The following NBPF3 variants were observed in gnomAD, a reference collection of about 807,000 sequenced individuals.
NBPF3 encodes NBPF family member NBPF3.
A neutral mutation model predicts 78.1 loss-of-function variants in NBPF3; 57 were observed. The ratio of observed to expected loss-of-function variants is 0.73; its 90% CI spans 0.59 to 0.91. NBPF3 has a LOEUF of 0.91. Among genes scored for constraint, NBPF3 ranks in the 40% least tolerant of loss-of-function variants. The pLI is 0.00. For synonymous variants in NBPF3, 182 were observed against 271.7 expected, an observed-to-expected ratio of 0.67 and a Z score of 3.25; for missense variants, 510 against 715.3, an observed-to-expected ratio of 0.71 and a Z score of 3.27.
At chr1:21,453,138 A>G (rs1237471705) in intron 2 of NBPF3, among the ~76,000 whole-genome samples, 2 of 152,046 alleles carry the variant, frequency 1.3e-5, no homozygotes, top group Non-Finnish European at 1.5e-5. Flanking sequence ...CGTCCCTTCT[A>G]GAATGCATTC....
chr1:21,451,918 TCAAACA>T (rs1641332860), intron 2 of NBPF3: 1 of 933,188 alleles, frequency 1.1e-6, no homozygotes, highest in African/African-American at 1.8e-5. Context: ...AGGTGCATAC[TCAAACA>T]CAGAGAGCTT....
intron 3 of NBPF3, 47 bp downstream of exon 3, chr1:21,468,944 GTCT>G (rs1465747809): frequency 2.1e-6 from 3 of 1,404,738 alleles, no homozygotes; most frequent in Non-Finnish European, 3.0e-6. Context: ...ATGATGTCCT[GTCT>G]TCTCGCTGAG....
At chr1:21,479,979 C>A in intron 10 of NBPF3, 72 bp from the exon 11 acceptor site, 1 of 815,888 alleles carries the variant, frequency 1.2e-6, no homozygotes, top group Non-Finnish European at 2.2e-6. Flanking sequence ...TTATGTTACC[C>A]ATGAAATCTA....
At chr1:21,468,240 T>C (rs7534120) in intron 2 of NBPF3, 4,193 of 267,604 alleles carry the variant, frequency 0.016, 165 homozygotes, top group African/African-American at 0.088. Context: ...CTTAGATGTA[T>C]TGGGAAAGAG....
chr1:21,478,433 A>G (rs1643001732), intron 9 of NBPF3, 126 bp downstream of exon 9: 1 of 1,101,694 alleles, frequency 9.1e-7, no homozygotes, highest in African/African-American at 1.5e-5. Flanking sequence ...CCTATATATC[A>G]ATGTAGATTT....
chr1:21,468,515 G>T (rs1642400750), intron 2 of NBPF3, 173 bp from the exon 3 acceptor site: 8 of 1,473,920 alleles, frequency 5.4e-6, no homozygotes, highest in African/African-American at 1.4e-5. Context: ...CTGAGCTCAG[G>T]CACCTCGAAC....
At chr1:21,459,733 C>A in intron 2 of NBPF3, 1 of 362,266 alleles carries the variant, frequency 2.8e-6, no homozygotes, top group Non-Finnish European at 5.6e-6. Context: ...CCATGGACAG[C>A]TTCTTTGCTC....
At chr1:21,454,857 G>A (rs1265900295) in intron 2 of NBPF3, among the ~76,000 whole-genome samples, 1 of 152,190 alleles carries the variant, frequency 6.6e-6, no homozygotes, top group African/African-American at 2.4e-5. Flanking sequence ...TTCTTGCAGT[G>A]TCCACAGATC....
At chr1:21,454,204 AGT>A (rs1641469359) in intron 2 of NBPF3, 1 of 152,226 alleles carries the variant, frequency 6.6e-6, no homozygotes, top group East Asian at 1.9e-4. Context: ...GGATGTTGAA[AGT>A]GTTTTCCTGT....
intron 4 of NBPF3, among the ~76,000 whole-genome samples, 176 bp from the exon 5 acceptor site, chr1:21,471,393 G>T (rs760731492): frequency 1.3e-5 from 2 of 152,188 alleles, no homozygotes; most frequent in Non-Finnish European, 2.9e-5. Flanking sequence ...TACAGAGGAA[G>T]CCTGTGAACC....
At chr1:21,452,669 G>C (rs138607254) in intron 2 of NBPF3, among the ~76,000 whole-genome samples, 2 of 152,254 alleles carry the variant, frequency 1.3e-5, no homozygotes, top group African/African-American at 4.8e-5. Flanking sequence ...AAGCGTGGCT[G>C]AGGCTTGTGG....
chr1:21,477,387 C>G (rs1197414433), intron 8 of NBPF3, among the ~76,000 whole-genome samples: 4 of 152,210 alleles, frequency 2.6e-5, no homozygotes. Context: ...CTTTTCTGCT[C>G]CAGTTTGTCC....
In NBPF3 at chr1:21,479,228, A is replaced by G. The variant is rs541184505; in HGVS notation, c.1157-121A>G. 107 of 1,104,810 alleles carry G rather than the reference A, an allele frequency of 9.7e-5. 2 individuals are homozygous for G. The East Asian group carries it at 1.2e-3, about 13-fold the overall frequency. 68.4% of individuals were successfully genotyped at this position (1,104,810 alleles called of 1,614,324 possible). Reference sequence around the variant, plus strand: ...CAGGCCTCCTGGTATATTTCTCTCAAAGTCTCCTATTCTCACACTGAGAAG... The same window carrying G: ...CAGGCCTCCTGGTATATTTCTCTCAGAGTCTCCTATTCTCACACTGAGAAG... On this transcript the variant is annotated intron_variant, in intron 9 of 14. Transcript: ENST00000318249.
intron 2 of NBPF3, among the ~76,000 whole-genome samples, chr1:21,461,942 C>T (rs1201858800): frequency 6.6e-6 from 1 of 151,974 alleles, no homozygotes; most frequent in East Asian, 1.9e-4. Context: ...AGATGAATCC[C>T]CACCCTGGGA....
In NBPF3 at chr1:21,474,984, A is replaced by G. The variant is rs72874205; in HGVS notation, c.992+33A>G. On this transcript the variant is annotated intron_variant, in intron 8 of 14. Coordinates refer to ENST00000318249, the MANE Select transcript of NBPF3 (RefSeq NM_032264.6). Reference sequence around the variant, plus strand: ...CATGGAATTGTGGGCTGTTAATTCAATAGTGGCAGCTGGAGTTTGTAGATT... The same window carrying G: ...CATGGAATTGTGGGCTGTTAATTCAGTAGTGGCAGCTGGAGTTTGTAGATT... The G allele has an allele frequency of 1.2e-3, 1,893 of 1,575,112 alleles. 24 individuals are homozygous for G. In the African/African-American group the frequency reaches 0.021, roughly 17 times the overall value.
At chr1:21,475,831 A>G (rs2148004125) in intron 8 of NBPF3, among the ~76,000 whole-genome samples, 1 of 152,216 alleles carries the variant, frequency 6.6e-6, no homozygotes, top group East Asian at 1.9e-4. Context: ...TATCCTTGTG[A>G]ACCTTCTGTC....
chr1:21,477,991 T>C, intron 8 of NBPF3, 153 bp from the exon 9 acceptor site: 1 of 1,534,350 alleles, frequency 6.5e-7, no homozygotes, highest in Non-Finnish European at 8.9e-7. Context: ...CCAGCCTGCA[T>C]TTAGAAGGAT....
At chr1:21,453,041 T>C (rs1424171218) in intron 2 of NBPF3, among the ~76,000 whole-genome samples, 1 of 152,184 alleles carries the variant, frequency 6.6e-6, no homozygotes, top group Non-Finnish European at 1.5e-5. Flanking sequence ...GCTAGTATTC[T>C]CCTTTTGTTT....
At chr1:21,457,576 T>G (rs4417036) in intron 2 of NBPF3, among the ~76,000 whole-genome samples, 124,058 of 151,644 alleles carry the variant, frequency 0.82, 53,451 homozygotes, top group South Asian at 0.96. Flanking sequence ...TGAATACAAC[T>G]TGATAGCAGT....
Sources: gnomAD v4.1 joint callset for allele counts (sites outside exome capture counted in the v4.1 genomes callset) on GRCh38, gnomAD v4.1.1 for gene constraint, MANE v1.5 for transcripts, NCBI Gene and HGNC (gene_info 2026-07-23, HGNC 2026-07-21) for gene names.